The following CD44 variants were observed in gnomAD, a reference collection of about 807,000 sequenced individuals.
CD44 encodes CD44 antigen.
CD44 carries 49 observed loss-of-function variants against 88.8 expected under a neutral mutation model. The ratio of observed to expected loss-of-function variants is 0.55; its 90% CI spans 0.44 to 0.70. The LOEUF (loss-of-function observed/expected upper bound fraction) is 0.70, where lower values mean the gene tolerates loss of function less well. Among genes scored for constraint, CD44 ranks in the 30% least tolerant of loss-of-function variants. The pLI is 0.00. For synonymous variants in CD44, 325 were observed against 312.3 expected (o/e 1.04, Z -0.43); for missense variants, 883 against 913.8 (o/e 0.97, Z 0.43).
intron 17 of CD44, chr11:35,223,044 C>T (rs967297886): frequency 1.0e-6 from 1 of 985,142 alleles, no homozygotes; most frequent in African/African-American, 1.7e-5. Flanking sequence ...TACGCTGGTA[C>T]AAGTTAATAA....
Position 35,170,359 on chromosome 11 carries a change from G to T in CD44, c.68-6216G>T, listed in dbSNP as rs372341697. Among the ~76,000 whole-genome samples, 8 of 152,150 alleles carry T rather than the reference G, an allele frequency of 5.3e-5. No individual in the cohort carries two copies. In the South Asian group the frequency reaches 1.7e-3, roughly 32 times the overall value. On this transcript the variant is annotated intron_variant, in intron 1 of 17. Transcript: ENST00000428726. Reference sequence around the variant, plus strand: ...CCTTCTTTCAGAGCTCCTTTTTCTCGCCTTCCTGACAGCTCCCTAGCAGAC... The same window carrying T: ...CCTTCTTTCAGAGCTCCTTTTTCTCTCCTTCCTGACAGCTCCCTAGCAGAC...
intron 5 of CD44, among the ~76,000 whole-genome samples, chr11:35,193,224 A>T (rs980409190): frequency 2.6e-5 from 4 of 152,196 alleles, no homozygotes; most frequent in Non-Finnish European, 4.4e-5. Flanking sequence ...CATAAAATAC[A>T]CTAACACTAG....
At chr11:35,177,959 A>G (rs1017515808) in intron 2 of CD44, among the ~76,000 whole-genome samples, 1 of 152,214 alleles carries the variant, frequency 6.6e-6, no homozygotes, top group African/African-American at 2.4e-5. Flanking sequence ...AGAAAGTTCT[A>G]TTGAGGAGCA....
chr11:35,207,166 A>G (rs986020527), intron 11 of CD44, among the ~76,000 whole-genome samples: 3 of 152,230 alleles, frequency 2.0e-5, no homozygotes, highest in African/African-American at 7.2e-5. Context: ...CTGGGATAAC[A>G]GGGTCACCAC....
At chr11:35,205,095 A>G (rs1947702056) in intron 10 of CD44, among the ~76,000 whole-genome samples, 1 of 152,200 alleles carries the variant, frequency 6.6e-6, no homozygotes. Flanking sequence ...GAAAAGTGAC[A>G]CCTGTCTGAT....
chr11:35,181,905 T>TATTATATATTATATATTTATATATA (rs1291148360), intron 3 of CD44, among the ~76,000 whole-genome samples: 3 of 66,106 alleles, frequency 4.5e-5, no homozygotes. Context: ...ATATAATATA[T>TATTATATATTATATATTTATATATA]AATATATATT....
chr11:35,178,030 G>A (rs181429865), intron 2 of CD44, among the ~76,000 whole-genome samples: 38 of 152,262 alleles, frequency 2.5e-4, no homozygotes, highest in African/African-American at 8.9e-4. Flanking sequence ...GCTAGGTCTG[G>A]GGGAATATGA....
chr11:35,169,138 G>A (rs890581517), intron 1 of CD44, among the ~76,000 whole-genome samples: 5 of 152,084 alleles, frequency 3.3e-5, no homozygotes, highest in Admixed American at 6.5e-5. Flanking sequence ...GCAGCCTGTC[G>A]GGGGTTGGGG....
intron 1 of CD44, among the ~76,000 whole-genome samples, chr11:35,153,687 C>T (rs1431257336): frequency 1.3e-5 from 2 of 152,192 alleles, no homozygotes; most frequent in Non-Finnish European, 2.9e-5. Context: ...CTAATGATGC[C>T]TTTGTTTAAT....
At position 35,139,351 on chromosome 11, in the gene CD44, G is replaced by T. The variant is rs764438441; in HGVS notation, c.48G>T (p.Pro16=). The T allele has an allele frequency of 1.3e-6, 2 of 1,560,538 alleles. No homozygotes were observed. Among genetic ancestry groups the T allele is most frequent in the Non-Finnish European group, 1.7e-6 (2 of 1,151,830 alleles). Residue 16 remains proline (P), a synonymous_variant, in exon 1 of 18, where the codon CCG becomes CCT. Transcript: ENST00000428726. The part of the protein sequence containing the change: ...WHAAWGLCLV[P]LSLAQIDLNI... ...CAGCCTGGGGACTCTGCCTCGTGCC[G>T]CTGAGCCTGGCGCAGATCGGTGAGT...
chr11:35,196,996 C>G, intron 6 of CD44, 122 bp downstream of exon 6: 1 of 949,156 alleles, frequency 1.1e-6, no homozygotes. Flanking sequence ...TTCGTTATGA[C>G]TTCAGAAGGA....
chr11:35,211,515 A>G (rs1161143402), intron 14 of CD44, 66 bp downstream of exon 14: 4 of 1,191,904 alleles, frequency 3.4e-6, no homozygotes, highest in Admixed American at 1.8e-5. Flanking sequence ...GTTTCATATT[A>G]CAGAGGACAT....
At chr11:35,146,383 G>A (rs1210170575) in intron 1 of CD44, among the ~76,000 whole-genome samples, 1 of 152,206 alleles carries the variant, frequency 6.6e-6, no homozygotes, top group African/African-American at 2.4e-5. Flanking sequence ...CGCAGTGCCT[G>A]AAAGTTCATT....
At position 35,150,492 on chromosome 11, in the gene CD44, C is replaced by T. The variant is rs149066968; in HGVS notation, c.67+11122C>T. On this transcript the variant is annotated intron_variant, in intron 1 of 17. Transcript: ENST00000428726. ...AAAAATGGAAATCATAAAGATTGCA[C>T]GACTTAGGATTTTGTCAAAATGTGT... 1.2e-4 allele frequency among the ~76,000 whole-genome samples: 19 copies of T among 152,250 alleles called. No individual in the cohort carries two copies. In the East Asian group the frequency reaches 3.1e-3, roughly 25 times the overall value.
intron 1 of CD44, among the ~76,000 whole-genome samples, chr11:35,148,074 A>C (rs2133101855): frequency 6.6e-6 from 1 of 152,076 alleles, no homozygotes; most frequent in East Asian, 1.9e-4. Context: ...CTGGGCAACA[A>C]GAGCGAAACT....
intron 1 of CD44, among the ~76,000 whole-genome samples, chr11:35,161,472 G>A (rs353641): frequency 0.29 from 44,353 of 152,058 alleles, 6,992 homozygotes; most frequent in African/African-American, 0.41. Context: ...CAATTGTGAA[G>A]CAATGGATGG....
chr11:35,206,111 G>A lies in CD44; in HGVS notation c.1283-1G>A. ...CAATTGCTCAAACTGCATGGTCACAGCAGCCTCAGCTCATACCAGCCATCC... is the reference window on the plus strand; with the variant it reads ...CAATTGCTCAAACTGCATGGTCACAACAGCCTCAGCTCATACCAGCCATCC... On this transcript the variant is annotated splice_acceptor_variant, in intron 10 of 17. Coordinates refer to ENST00000428726, the MANE Select transcript of CD44 (RefSeq NM_000610.4). LOFTEE classifies it high-confidence loss of function. 6.2e-7 allele frequency: 1 copy of A among 1,605,346 alleles called. No homozygotes were observed. The highest frequency in any genetic ancestry group is 8.5e-7 in the Non-Finnish European group (1 of 1,176,448).
In CD44 at chr11:35,141,763, G is replaced by A. The variant is rs577173771; in HGVS notation, c.67+2393G>A. Among the ~76,000 whole-genome samples the A allele has an allele frequency of 3.9e-5, 6 of 152,282 alleles. No homozygotes were observed. The South Asian group carries it at 8.3e-4, about 21-fold the overall frequency. ...AGTAGCAATAACTGCCCCGGCCCTC[G>A]CTTTCATGTGCTTGTAAAGTTGTTT... On this transcript the variant is annotated intron_variant, in intron 1 of 17. Transcript: ENST00000428726.
rs573643051 is a variant in CD44, at chr11:35,227,270, C to T, written c.2025-1859C>T. On this transcript the variant is annotated intron_variant, in intron 17 of 17. Coordinates refer to ENST00000428726, the MANE Select transcript of CD44 (RefSeq NM_000610.4). ...GCACAAACACAGCTCACTGCAGCCT[C>T]GACTTCCTGGGCTCAAGTAATTCTC... Among the ~76,000 whole-genome samples, 24 of 152,286 alleles carry T rather than the reference C, an allele frequency of 1.6e-4. No homozygotes were observed. The East Asian group carries it at 3.5e-3, about 22-fold the overall frequency.
Sources: allele counts gnomAD v4.1 joint callset (sites outside exome capture counted in the v4.1 genomes callset), GRCh38; gene constraint gnomAD v4.1.1; transcripts MANE v1.5; gene names NCBI Gene and HGNC (gene_info 2026-07-23, HGNC 2026-07-21).